WWOX: variants seen among roughly 807,000 people sequenced by gnomAD.
WWOX encodes WW domain containing oxidoreductase, also known as WW domain-containing oxidoreductase.
WWOX carries 69 observed loss-of-function variants against 46.2 expected under a neutral mutation model. The observed-to-expected ratio is 1.49, with a 90% CI of 1.23 to 1.82. WWOX has a LOEUF of 1.82. Ranked by LOEUF, WWOX falls within the 40% of genes most tolerant of loss-of-function variation. WWOX has a pLI of 0.00. For synonymous variants in WWOX, 359 were observed against 202.6 expected, an observed-to-expected ratio of 1.77 and a Z score of -6.56; for missense variants, 919 against 542.6, an observed-to-expected ratio of 1.69 and a Z score of -6.89.
At chr16:78,730,488 C>G (rs145204591) in intron 8 of WWOX, among the ~76,000 whole-genome samples, 152 of 152,102 alleles carry the variant, frequency 1.0e-3, no homozygotes, top group African/African-American at 3.3e-3. Flanking sequence ...GAGACAGAGT[C>G]TTGCTCAGGC....
intron 8 of WWOX, among the ~76,000 whole-genome samples, chr16:78,724,414 A>C (rs569227622): frequency 4.3e-4 from 66 of 152,308 alleles, no homozygotes; most frequent in African/African-American, 1.5e-3. Context: ...TTGTTCCAGA[A>C]GAAGTTAAGG....
chr16:79,086,215 C>T lies in WWOX; in HGVS notation c.1057-125393C>T, dbSNP rs773993858. On this transcript the variant is annotated intron_variant, in intron 8 of 8. Transcript: ENST00000566780. ...AAATTCCCAGCACATATTACATGCT[C>T]AATAAATGTTAATTGAGCATTTTCT... Among the ~76,000 whole-genome samples, 3 of 152,302 alleles carry T rather than the reference C, an allele frequency of 2.0e-5. No individual in the cohort carries two copies. The South Asian group carries it at 6.2e-4, about 32-fold the overall frequency.
intron 8 of WWOX, among the ~76,000 whole-genome samples, chr16:79,156,929 A>G (rs143533721): frequency 1.2e-3 from 178 of 152,322 alleles, no homozygotes; most frequent in African/African-American, 4.1e-3. Context: ...GATTTACAAT[A>G]TGTGAATTAT....
rs558673447 is a variant in WWOX at position 78,377,269 on chromosome 16, A to G, written c.517-9591A>G. Among the ~76,000 whole-genome samples the G allele has an allele frequency of 3.3e-5, 5 of 152,374 alleles. No homozygotes were observed. The South Asian group carries it at 1.0e-3, about 32-fold the overall frequency. On this transcript the variant is annotated intron_variant, in intron 5 of 8. Transcript: ENST00000566780. ...CATAAGATATAGGGCATGTTTATTA[A>G]GAGTCTTCAACTGTGTATAAAACTA... is the stretch of plus-strand genomic sequence containing the variant.
chr16:78,321,354 ATATGCGTATATATATACG>A lies in WWOX; in HGVS notation c.517-65502_517-65485del, dbSNP rs1567499238. Among the ~76,000 whole-genome samples, 18 of 46,872 alleles carry A rather than the reference ATATGCGTATATATATACG, an allele frequency of 3.8e-4. 3 individuals carry two copies. The highest frequency in any genetic ancestry group is 1.6e-3 in the African/African-American group (15 of 9,148). The allele number at this position is 46,872 out of a possible 152,430, so 30.7% of individuals were successfully genotyped here. ...TATATATGCGTATATATATACGTAT[ATATGCGTATATATATACG>A]TATATATGCGTATATATATACGTAT... is the stretch of plus-strand genomic sequence containing the variant. On this transcript the variant is annotated intron_variant, in intron 5 of 8. Coordinates refer to ENST00000566780, the MANE Select transcript of WWOX (RefSeq NM_016373.4).
At chr16:78,423,431 C>G (rs1193237761) in intron 6 of WWOX, among the ~76,000 whole-genome samples, 2 of 152,110 alleles carry the variant, frequency 1.3e-5, no homozygotes, top group Non-Finnish European at 2.9e-5. Context: ...TAGTTTGTCA[C>G]AAACACCGTG....
chr16:78,221,092 C>T (rs931124014), intron 5 of WWOX, among the ~76,000 whole-genome samples: 1 of 152,072 alleles, frequency 6.6e-6, no homozygotes, highest in Admixed American at 6.5e-5. Flanking sequence ...CAGAGTTAAG[C>T]TCGGTTCATC....
chr16:78,619,494 A>T (rs2046123833), intron 8 of WWOX, among the ~76,000 whole-genome samples: 1 of 151,472 alleles, frequency 6.6e-6, no homozygotes. Context: ...TAATTACAGG[A>T]CCCTGCCAAC....
chr16:79,173,284 T>TG (rs1555539776), intron 8 of WWOX, among the ~76,000 whole-genome samples: 3 of 150,564 alleles, frequency 2.0e-5, no homozygotes, highest in Non-Finnish European at 4.4e-5. Context: ...ACCCTGCATG[T>TG]CCATGTGCCA....
At chr16:79,010,180 A>T (rs1159994321) in intron 8 of WWOX, among the ~76,000 whole-genome samples, 1 of 152,150 alleles carries the variant, frequency 6.6e-6, no homozygotes, top group Non-Finnish European at 1.5e-5. Flanking sequence ...TTTATTTACA[A>T]GGCTGGCTTC....
intron 2 of WWOX, 45 bp from the exon 3 acceptor site, chr16:78,109,733 T>G (rs774005716): frequency 1.2e-6 from 2 of 1,607,592 alleles, no homozygotes; most frequent in Admixed American, 1.7e-5. Flanking sequence ...GGGATGGTCT[T>G]TACTTCTCCC....
intron 8 of WWOX, among the ~76,000 whole-genome samples, chr16:78,565,342 T>C (rs1274924781): frequency 2.6e-5 from 4 of 152,240 alleles, no homozygotes; most frequent in Non-Finnish European, 5.9e-5. Flanking sequence ...GGCTTGTTCC[T>C]TCTGGAGGCT....
chr16:78,862,730 AATTCTT>A (rs2043917850), intron 8 of WWOX, among the ~76,000 whole-genome samples: 1 of 152,074 alleles, frequency 6.6e-6, no homozygotes, highest in Admixed American at 6.6e-5. Context: ...ATAGAGAGGC[AATTCTT>A]TCTCACTCAG....
intron 8 of WWOX, among the ~76,000 whole-genome samples, chr16:79,122,927 G>A (rs2049669839): frequency 6.6e-6 from 1 of 152,182 alleles, no homozygotes; most frequent in African/African-American, 2.4e-5. Context: ...AGGCAGCAAT[G>A]GGACCCTTGC....
chr16:78,418,109 C>T (rs78164152), intron 6 of WWOX, among the ~76,000 whole-genome samples: 2,254 of 152,212 alleles, frequency 0.015, 48 homozygotes, highest in East Asian at 0.063. Context: ...GCCTGTAATC[C>T]CAACACTTTG....
intron 5 of WWOX, among the ~76,000 whole-genome samples, chr16:78,313,071 T>C (rs1423555997): frequency 1.3e-5 from 2 of 152,202 alleles, no homozygotes; most frequent in Non-Finnish European, 2.9e-5. Flanking sequence ...TTACTTCTTT[T>C]TCAACATCTG....
intron 8 of WWOX, among the ~76,000 whole-genome samples, chr16:78,775,620 G>C (rs1198386553): frequency 6.6e-6 from 1 of 152,158 alleles, no homozygotes; most frequent in African/African-American, 2.4e-5. Context: ...ACTTCACCCT[G>C]CTCCAATGAG....
intron 8 of WWOX, among the ~76,000 whole-genome samples, chr16:78,613,626 T>A (rs1250287355): frequency 1.3e-5 from 2 of 152,182 alleles, no homozygotes; most frequent in Non-Finnish European, 2.9e-5. Context: ...CAATCACCAC[T>A]ACTGTTGTTG....
rs547563480 is a variant in WWOX, at chr16:78,895,174, A to G, written c.1057-316434A>G. Among the ~76,000 whole-genome samples the G allele has an allele frequency of 1.5e-4, 23 of 152,370 alleles. No individual in the cohort carries two copies. The South Asian group carries it at 4.8e-3, about 32-fold the overall frequency. ...CAAACCACATTTCAAAGTTGATAGCATCAACGGCTTTAAAATCACTTTTAA... is the reference window on the plus strand; with the variant it reads ...CAAACCACATTTCAAAGTTGATAGCGTCAACGGCTTTAAAATCACTTTTAA... On this transcript the variant is annotated intron_variant, in intron 8 of 8. Coordinates refer to ENST00000566780, the MANE Select transcript of WWOX (RefSeq NM_016373.4).
Sources: gnomAD v4.1 joint callset for allele counts (sites outside exome capture counted in the v4.1 genomes callset) on GRCh38, gnomAD v4.1.1 for gene constraint, MANE v1.5 for transcripts, NCBI Gene and HGNC (gene_info 2026-07-23, HGNC 2026-07-21) for gene names.